Variants in NUMBL observed in about 807,000 individuals in gnomAD.
The protein encoded by NUMBL is numb-like protein.
NUMBL carries 20 observed loss-of-function variants against 48.9 expected under a neutral mutation model. The ratio of observed to expected loss-of-function variants is 0.41; its 90% CI spans 0.29 to 0.59. NUMBL has a LOEUF of 0.59. Among genes scored for constraint, NUMBL ranks in the 20% least tolerant of loss-of-function variants. NUMBL has a pLI of 0.31. For missense variants in NUMBL, 660 were observed against 846.2 expected (o/e 0.78, Z 2.73); for synonymous variants, 340 against 348.7 (o/e 0.98, Z 0.28).
chr19:40,682,589 C>A lies in NUMBL; in HGVS notation c.399+139G>T. ...CACAGCATTTATTCCTGAGTTATGA[C>A]GACAGAGGGAGCACACGGCATCGTC... is the stretch of plus-strand genomic sequence containing the variant. On this transcript the variant is annotated intron_variant, in intron 5 of 9. Coordinates refer to ENST00000252891, the MANE Select transcript of NUMBL (RefSeq NM_004756.5). This position sits in a 1 kb window ranked among gnomAD's most constrained non-coding sequence, Gnocchi z 4.0. 3 of 723,748 alleles carry A rather than the reference C, an allele frequency of 4.1e-6. No individual in the cohort carries two copies. Among genetic ancestry groups the A allele is most frequent in the Non-Finnish European group, 6.9e-6 (3 of 436,316 alleles). 44.8% of individuals were successfully genotyped at this position (723,748 alleles called of 1,614,324 possible).
intron 1 of NUMBL, among the ~76,000 whole-genome samples, chr19:40,689,203 T>C (rs1400250706): frequency 6.6e-6 from 1 of 151,904 alleles, no homozygotes; most frequent in Non-Finnish European, 1.5e-5. Context: ...ACTCAACACA[T>C]ACTGTCACAT....
rs1236859660 is a variant in NUMBL at position 40,666,218 on chromosome 19, G to C, written c.*1250C>G. 6.8e-6 allele frequency: 1 copy of C among 147,378 alleles called. No homozygotes were observed. Among genetic ancestry groups the C allele is most frequent in the Non-Finnish European group, 1.5e-5 (1 of 67,472 alleles). The allele number at this position is 147,378 out of a possible 1,614,324, so 9.1% of individuals were successfully genotyped here. On this transcript the variant is annotated 3_prime_UTR_variant, in exon 10 of 10. Transcript: ENST00000252891. ...GCAGGAGTGCAATGGTGTGACCTCA[G>C]GTCACTGCAACCTCTGCTGCCTGGG...
chr19:40,677,184 T>C, intron 7 of NUMBL, 48 bp downstream of exon 7: 1 of 1,528,080 alleles, frequency 6.5e-7, no homozygotes, highest in South Asian at 1.2e-5. Context: ...TGATACTGGG[T>C]ACCCTGTGCC....
rs377275669 is a variant in NUMBL at position 40,669,915 on chromosome 19, G to A, written c.1142C>T (p.Pro381Leu). The change falls in exon 9 of 10, where the codon CCA becomes CTA. Residue 381 changes from proline (P) to leucine (L), a missense_variant. Around this residue, in one of 3 missense-constraint regions of NUMBL, gnomAD observed 296 missense variants for 339.7 expected, o/e 0.87. Coordinates refer to ENST00000252891, the MANE Select transcript of NUMBL (RefSeq NM_004756.5). ...FASAGAPAPG[P>L]PPATTGTSAW... ...GGCTTTACCTGTTGTGGCAGGTGGT[G>A]GCCCTGGTGCTGGCGCTCCAGCACT... The A allele has an allele frequency of 5.0e-6, 8 of 1,613,538 alleles. No homozygotes were observed. The highest frequency in any genetic ancestry group is 4.0e-5 in the African/African-American group (3 of 74,918).
At position 40,684,343 on chromosome 19, in the gene NUMBL, G is replaced by GC. The variant is rs2081922131; in HGVS notation, c.249+73dup. On this transcript the variant is annotated intron_variant, in intron 3 of 9. Coordinates refer to ENST00000252891, the MANE Select transcript of NUMBL (RefSeq NM_004756.5). ...CGACTTGGGCTGGTGTCCCAGCCAG[G>GC]CCGCGCACCCGCACAGCACAGCACA... is the stretch of plus-strand genomic sequence containing the variant. The GC allele has an allele frequency of 5.5e-6, 8 of 1,465,740 alleles. No individual in the cohort carries two copies. The Admixed American group carries it at 1.4e-4, about 25-fold the overall frequency. 90.8% of individuals were successfully genotyped at this position (1,465,740 alleles called of 1,614,324 possible).
chr19:40,677,317 G>A lies in NUMBL; in HGVS notation c.645C>T (p.Ser215=), dbSNP rs143336291. The change falls in exon 7 of 10, where the codon AGC becomes AGT. Residue 215 remains serine (S), a synonymous_variant. Coordinates refer to ENST00000252891, the MANE Select transcript of NUMBL (RefSeq NM_004756.5). ...ECGVTAAFDA[S]RTSFAREGSF... Reference sequence around the variant, plus strand: ...AGCCCTCGCGGGCGAAGCTGGTGCGGCTGGCATCGAAGGCGGCCGTGACCC... The same window carrying A: ...AGCCCTCGCGGGCGAAGCTGGTGCGACTGGCATCGAAGGCGGCCGTGACCC... 70 of 1,611,782 alleles carry A rather than the reference G, an allele frequency of 4.3e-5. No homozygotes were observed. The African/African-American group carries it at 7.6e-4, about 17-fold the overall frequency.
chr19:40,682,710 C>A lies in NUMBL; in HGVS notation c.399+18G>T. On this transcript the variant is annotated intron_variant, in intron 5 of 9. Coordinates refer to ENST00000252891, the MANE Select transcript of NUMBL (RefSeq NM_004756.5). The surrounding 1 kb of genome is among the most constrained non-coding windows in gnomAD (Gnocchi z 4.0). ...GAGCAGACAGGCCCCCTGGCGTCCA[C>A]CCCCACAGGCCTCCTACCTTGGTTT... 1 of 1,612,612 alleles carries A rather than the reference C, an allele frequency of 6.2e-7. No individual in the cohort carries two copies. The highest frequency in any genetic ancestry group is 1.3e-5 in the African/African-American group (1 of 75,030).
intron 3 of NUMBL, among the ~76,000 whole-genome samples, chr19:40,683,298 C>T (rs73546894): frequency 0.16 from 24,291 of 152,138 alleles, 2,168 homozygotes; most frequent in African/African-American, 0.23. Context: ...GCTTTGCCTA[C>T]CCTAAAGCAG....
chr19:40,687,602 G>A lies in NUMBL; in HGVS notation c.25-607C>T, dbSNP rs2081941410. On this transcript the variant is annotated intron_variant, in intron 1 of 9. Transcript: ENST00000252891. This position sits in a 1 kb window ranked among gnomAD's most constrained non-coding sequence, Gnocchi z 4.6. ...TTCCACATTCTCAGCCACATACAAA[G>A]AACGGGGCCCAGACAACCCACTAGA... Among the ~76,000 whole-genome samples the A allele has an allele frequency of 6.6e-6, 1 of 151,946 alleles. No individual in the cohort carries two copies. The highest frequency in any genetic ancestry group is 6.6e-5 in the Admixed American group (1 of 15,262).
At chr19:40,677,664 C>T (rs2081884471) in intron 6 of NUMBL, among the ~76,000 whole-genome samples, 1 of 152,140 alleles carries the variant, frequency 6.6e-6, no homozygotes, top group Admixed American at 6.6e-5. Context: ...AGAGGCAAAA[C>T]TAATCTATGG....
chr19:40,668,214 G>C, intron 9 of NUMBL, 76 bp from the exon 10 acceptor site: 1 of 1,491,628 alleles, frequency 6.7e-7, no homozygotes, highest in Non-Finnish European at 9.0e-7. Context: ...GAACTGGCAT[G>C]GTGTGGGGAT....
rs372917525 is a variant in NUMBL, at chr19:40,667,756, C to T, written c.1542G>A (p.Gln514=). 8.4e-4 allele frequency: 1,322 copies of T among 1,580,594 alleles called. 2 individuals carry two copies. Among genetic ancestry groups the T allele is most frequent in the Middle Eastern group, 4.5e-3 (27 of 6,016 alleles). Residue 514 remains glutamine, a synonymous_variant, in exon 10 of 10, where the codon CAG becomes CAA. Coordinates refer to ENST00000252891, the MANE Select transcript of NUMBL (RefSeq NM_004756.5). This position sits in a 1 kb window ranked among gnomAD's most constrained non-coding sequence, Gnocchi z 6.1. ...CTGAGCAGAAGGCGTTTGCCACCAT[C>T]TGTGAGGGTGTGATGCCCACCACGG... ...RVPVVGITPS[Q]MVANAFCSAA...
rs573741706 is a variant in NUMBL, at chr19:40,684,688, T to C, written c.110-132A>G. 21 of 1,266,172 alleles carry C rather than the reference T, an allele frequency of 1.7e-5. No individual in the cohort carries two copies. The African/African-American group carries it at 2.8e-4, about 17-fold the overall frequency. 78.4% of individuals were successfully genotyped at this position (1,266,172 alleles called of 1,614,324 possible). On this transcript the variant is annotated intron_variant, in intron 2 of 9. Coordinates refer to ENST00000252891, the MANE Select transcript of NUMBL (RefSeq NM_004756.5). ...ACTGGAAGCGGGGTTACAGGGTCAG[T>C]TGGCAGCGCACATGGGATCAGCAGC...
rs913635170 is a variant in NUMBL, at chr19:40,688,289, T to A, written c.25-1294A>T. 7.2e-5 allele frequency among the ~76,000 whole-genome samples: 11 copies of A among 152,188 alleles called. No individual in the cohort carries two copies. The highest frequency in any genetic ancestry group is 2.0e-4 in the Admixed American group (3 of 15,276). Reference sequence around the variant, plus strand: ...AGTCACACAGACAAGTATGTGGCCATATAGAATCACAGCCCCGTGTGGACA... The same window carrying A: ...AGTCACACAGACAAGTATGTGGCCAAATAGAATCACAGCCCCGTGTGGACA... On this transcript the variant is annotated intron_variant, in intron 1 of 9. Coordinates refer to ENST00000252891, the MANE Select transcript of NUMBL (RefSeq NM_004756.5). The surrounding 1 kb of genome is among the most constrained non-coding windows in gnomAD (Gnocchi z 4.6).
At chr19:40,679,430 G>A (rs1429148163) in intron 6 of NUMBL, among the ~76,000 whole-genome samples, 1 of 152,132 alleles carries the variant, frequency 6.6e-6, no homozygotes, top group African/African-American at 2.4e-5. Flanking sequence ...TATAATCCCA[G>A]CACTTTGGGA....
rs774198124 is a variant in NUMBL at position 40,688,969 on chromosome 19, TCA to T, written c.24+1489_24+1490del. On this transcript the variant is annotated intron_variant, in intron 1 of 9. Transcript: ENST00000252891. The surrounding 1 kb of genome is among the most constrained non-coding windows in gnomAD (Gnocchi z 4.6). The stretch of plus-strand genomic sequence containing the variant: ...ACACAATACTGTCACACAACCCCAG[TCA>T]CACAGATACAATGTGACTTCAGACA... 1.1e-4 allele frequency among the ~76,000 whole-genome samples: 16 copies of T among 152,136 alleles called. No individual in the cohort carries two copies. The highest frequency in any genetic ancestry group is 1.9e-4 in the Non-Finnish European group (13 of 68,022).
intron 5 of NUMBL, 65 bp from the exon 6 acceptor site, chr19:40,681,122 C>A: frequency 6.4e-7 from 1 of 1,550,638 alleles, no homozygotes; most frequent in Admixed American, 1.7e-5. Flanking sequence ...ACTCAACATT[C>A]TCTCTGTGTC....
rs150988961 is a variant in NUMBL at position 40,668,710 on chromosome 19, C to T, written c.1160-572G>A. ...CCTACCTCAAGTAATCCCCCTGCCTCGGCTTCCCAAAGTACTAGGATTACA... is the reference window on the plus strand; with the variant it reads ...CCTACCTCAAGTAATCCCCCTGCCTTGGCTTCCCAAAGTACTAGGATTACA... On this transcript the variant is annotated intron_variant, in intron 9 of 9. Coordinates refer to ENST00000252891, the MANE Select transcript of NUMBL (RefSeq NM_004756.5). Among the ~76,000 whole-genome samples, 70 of 152,258 alleles carry T rather than the reference C, an allele frequency of 4.6e-4. 1 individual carries two copies. The highest frequency in any genetic ancestry group is 6.8e-3 in the Middle Eastern group (2 of 294).
intron 7 of NUMBL, among the ~76,000 whole-genome samples, chr19:40,676,328 G>A (rs1427015020): frequency 6.6e-6 from 1 of 152,030 alleles, no homozygotes; most frequent in Non-Finnish European, 1.5e-5. Context: ...AGCAGTTTGA[G>A]GCTGCAGGGA....
Sources: gnomAD v4.1 joint callset for allele counts (sites outside exome capture counted in the v4.1 genomes callset) on GRCh38, gnomAD v4.1.1 for gene constraint, gnomAD v4.1.1 regional missense constraint, Gnocchi (gnomAD v3.1) non-coding constraint, MANE v1.5 for transcripts, NCBI Gene and HGNC (gene_info 2026-07-23, HGNC 2026-07-21) for gene names.